The following FUT9 variants were observed in gnomAD, a reference collection of about 807,000 sequenced individuals.
FUT9 encodes 4-galactosyl-N-acetylglucosaminide 3-alpha-L-fucosyltransferase 9.
A neutral mutation model predicts 29.7 loss-of-function variants in FUT9; 15 were observed. The observed-to-expected ratio is 0.51, with a 90% CI of 0.34 to 0.78. The LOEUF (loss-of-function observed/expected upper bound fraction) is 0.78. Among genes scored for constraint, FUT9 ranks in the 30% least tolerant of loss-of-function variants. FUT9 has a pLI of 0.01. For missense variants in FUT9, 319 were observed against 425.4 expected, an observed-to-expected ratio of 0.75 and a Z score of 2.20; for synonymous variants, 169 against 153.7, an observed-to-expected ratio of 1.10 and a Z score of -0.74.
At chr6:96,141,287 A>C (rs1289478617) in intron 2 of FUT9, among the ~76,000 whole-genome samples, 2 of 152,212 alleles carry the variant, frequency 1.3e-5, no homozygotes, top group Non-Finnish European at 2.9e-5. Flanking sequence ...AAAGTTTGGA[A>C]TACTACTAGT....
intron 2 of FUT9, among the ~76,000 whole-genome samples, chr6:96,186,776 T>C (rs1562157000): frequency 6.6e-6 from 1 of 152,002 alleles, no homozygotes; most frequent in Non-Finnish European, 1.5e-5. Flanking sequence ...GGACAGAAGA[T>C]CCATGCTCCA....
chr6:96,186,096 A>T (rs890342633), intron 2 of FUT9, among the ~76,000 whole-genome samples: 1 of 152,070 alleles, frequency 6.6e-6, no homozygotes, highest in African/African-American at 2.4e-5. Flanking sequence ...TTTTCAGATT[A>T]CTCAGATGCA....
intron 1 of FUT9, among the ~76,000 whole-genome samples, chr6:96,071,195 C>T (rs1771052354): frequency 1.3e-5 from 2 of 152,110 alleles, no homozygotes; most frequent in Non-Finnish European, 2.9e-5. Context: ...ATTCTGACAG[C>T]AGATGTGTCT....
intron 1 of FUT9, among the ~76,000 whole-genome samples, chr6:96,089,301 C>T (rs1282422984): frequency 6.6e-6 from 1 of 152,128 alleles, no homozygotes; most frequent in African/African-American, 2.4e-5. Flanking sequence ...GAGAATTCTA[C>T]CCTGCTAGCC....
chr6:96,131,888 T>C (rs1348724195), intron 2 of FUT9, among the ~76,000 whole-genome samples: 3 of 152,106 alleles, frequency 2.0e-5, no homozygotes, highest in Non-Finnish European at 4.4e-5. Context: ...ATTTACTAAA[T>C]TGCCTAAAAC....
At chr6:96,034,227 A>C (rs147910045) in intron 1 of FUT9, among the ~76,000 whole-genome samples, 1 of 151,538 alleles carries the variant, frequency 6.6e-6, no homozygotes, top group Non-Finnish European at 1.5e-5. Flanking sequence ...CTCTGTACCA[A>C]CTTGGGAAGA....
chr6:96,072,263 C>A (rs1771075406), intron 1 of FUT9, among the ~76,000 whole-genome samples: 1 of 152,170 alleles, frequency 6.6e-6, no homozygotes, highest in South Asian at 2.1e-4. Context: ...TACCCTCTCT[C>A]CATATCTCTT....
At chr6:96,114,425 CT>C (rs1393137937) in intron 2 of FUT9, among the ~76,000 whole-genome samples, 1 of 151,468 alleles carries the variant, frequency 6.6e-6, no homozygotes, top group Non-Finnish European at 1.5e-5. Flanking sequence ...TTTCTATATT[CT>C]TTTGTTTCCT....
intron 2 of FUT9, among the ~76,000 whole-genome samples, chr6:96,172,782 C>A (rs1025721103): frequency 1.3e-5 from 2 of 148,860 alleles, no homozygotes; most frequent in African/African-American, 4.9e-5. Flanking sequence ...TCTCATTTGT[C>A]CAAAAAGATT....
At chr6:96,077,241 T>C (rs1191004894) in intron 1 of FUT9, among the ~76,000 whole-genome samples, 2 of 152,068 alleles carry the variant, frequency 1.3e-5, no homozygotes, top group African/African-American at 4.8e-5. Flanking sequence ...CACACACACA[T>C]ACACATCCCT....
At chr6:96,089,224 A>G (rs984112798) in intron 1 of FUT9, among the ~76,000 whole-genome samples, 1 of 152,194 alleles carries the variant, frequency 6.6e-6, no homozygotes, top group African/African-American at 2.4e-5. Context: ...ACTCAGCTAA[A>G]TAGCCAAGGA....
intron 1 of FUT9, among the ~76,000 whole-genome samples, chr6:96,032,168 A>G (rs1292761522): frequency 1.3e-5 from 2 of 151,638 alleles, no homozygotes; most frequent in Non-Finnish European, 3.0e-5. Context: ...TCCTTTTATG[A>G]TAATCTACAG....
At chr6:96,099,990 T>A (rs995302369) in intron 1 of FUT9, among the ~76,000 whole-genome samples, 2 of 152,180 alleles carry the variant, frequency 1.3e-5, no homozygotes, top group South Asian at 4.1e-4. Context: ...TAGTTCATTT[T>A]GCAAATGCTA....
chr6:96,069,622 TTTTTA>T (rs1771022707), intron 1 of FUT9, among the ~76,000 whole-genome samples: 1 of 102,258 alleles, frequency 9.8e-6, no homozygotes, highest in Admixed American at 1.1e-4. Flanking sequence ...TTTTTTTATT[TTTTTA>T]TTTTTTATTT....
chr6:96,077,911 A>G (rs1689304553), intron 1 of FUT9, among the ~76,000 whole-genome samples: 1 of 152,126 alleles, frequency 6.6e-6, no homozygotes, highest in Non-Finnish European at 1.5e-5. Flanking sequence ...TATAGTCTCC[A>G]TTATTTGCTC....
chr6:96,070,974 G>C (rs1460563704), intron 1 of FUT9, among the ~76,000 whole-genome samples: 2 of 152,094 alleles, frequency 1.3e-5, no homozygotes, highest in East Asian at 1.9e-4. Context: ...CTTAAATTTA[G>C]CATATATATT....
intron 1 of FUT9, among the ~76,000 whole-genome samples, chr6:96,085,610 C>T (rs1278513325): frequency 6.6e-6 from 1 of 150,714 alleles, no homozygotes; most frequent in East Asian, 1.9e-4. Flanking sequence ...ATAAACAAGC[C>T]AGGTTTGTCA....
At chr6:96,031,394 T>TA (rs143790344) in intron 1 of FUT9, among the ~76,000 whole-genome samples, 4 of 151,016 alleles carry the variant, frequency 2.6e-5, no homozygotes, top group South Asian at 2.1e-4. Context: ...GATTAGTAGA[T>TA]AAAAAAAACT....
At chr6:96,109,770 T>C (rs983185855) in intron 1 of FUT9, among the ~76,000 whole-genome samples, 1 of 152,154 alleles carries the variant, frequency 6.6e-6, no homozygotes, top group African/African-American at 2.4e-5. Context: ...TTTAAAATTG[T>C]ATTCAGATCA....
Sources: gnomAD v4.1 joint callset for allele counts (sites outside exome capture counted in the v4.1 genomes callset) on GRCh38, gnomAD v4.1.1 for gene constraint, MANE v1.5 for transcripts, NCBI Gene and HGNC (gene_info 2026-07-23, HGNC 2026-07-21) for gene names.